The following OPRM1 variants were observed in gnomAD, a reference collection of about 807,000 sequenced individuals.
The protein encoded by OPRM1 is opioid receptor mu 1.
In OPRM1, 27 loss-of-function variants were observed where a neutral mutation model predicts 31.8. That is an observed-to-expected ratio of 0.85 (90% CI 0.63 to 1.17). The LOEUF (loss-of-function observed/expected upper bound fraction) is 1.17, where lower values mean the gene tolerates loss of function less well. Ranked by LOEUF, OPRM1 falls within the 50% of genes most tolerant of loss-of-function variation. OPRM1 has a pLI of 0.00. For synonymous variants in OPRM1, 196 were observed against 189.9 expected (o/e 1.03, Z -0.26); for missense variants, 536 against 511.1 (o/e 1.05, Z -0.47).
intron 3 of OPRM1, among the ~76,000 whole-genome samples, chr6:154,189,867 C>T (rs1801709443): frequency 6.6e-6 from 1 of 151,842 alleles, no homozygotes; most frequent in Non-Finnish European, 1.5e-5. Context: ...AGGAGAATCA[C>T]TGGAACCTGG....
At chr6:154,214,376 C>T in intron 3 of OPRM1, 1 of 833,996 alleles carries the variant, frequency 1.2e-6, no homozygotes, top group East Asian at 2.4e-5. Flanking sequence ...ATGATTCTAC[C>T]ATCAGTCTGC....
At chr6:154,087,214 C>G (rs1790803833) in intron 1 of OPRM1, 6 of 985,396 alleles carry the variant, frequency 6.1e-6, no homozygotes, top group Non-Finnish European at 7.2e-6. Context: ...GATCAGGTAT[C>G]AGAATTTTAA....
chr6:154,232,969 CTTT>C (rs780567029), intron 3 of OPRM1, among the ~76,000 whole-genome samples: 7 of 134,584 alleles, frequency 5.2e-5, no homozygotes, highest in Admixed American at 2.3e-4. Context: ...TTTTTCTTTT[CTTT>C]TTTTTTTTTT....
intron 3 of OPRM1, among the ~76,000 whole-genome samples, chr6:154,238,690 T>G (rs1367949627): frequency 6.6e-6 from 1 of 152,068 alleles, no homozygotes; most frequent in Non-Finnish European, 1.5e-5. Context: ...CTGTATAACC[T>G]TTTTTATAAT....
At chr6:154,109,792 CTG>C (rs377400514) in intron 3 of OPRM1, among the ~76,000 whole-genome samples, 3,747 of 100,882 alleles carry the variant, frequency 0.037, 45 homozygotes, top group African/African-American at 0.049. Flanking sequence ...CTCTCTCTCT[CTG>C]TGTGTGTGTG....
chr6:154,188,017 C>A (rs1347088644), intron 3 of OPRM1, among the ~76,000 whole-genome samples: 5 of 152,022 alleles, frequency 3.3e-5, no homozygotes, highest in Non-Finnish European at 7.4e-5. Flanking sequence ...TACTTTGGGT[C>A]TACCCAAAAC....
At chr6:154,074,605 C>G (rs1787457937) in intron 1 of OPRM1, 1 of 151,932 alleles carries the variant, frequency 6.6e-6, no homozygotes, top group Non-Finnish European at 1.5e-5. Context: ...ACTAAAAATA[C>G]AAAAATTAGC....
chr6:154,196,599 G>A (rs1776642072), intron 3 of OPRM1, among the ~76,000 whole-genome samples: 1 of 152,170 alleles, frequency 6.6e-6, no homozygotes, highest in South Asian at 2.1e-4. Context: ...CACATTGTCA[G>A]CAGGTAGTGT....
rs1329235760 is a variant in OPRM1, at chr6:154,128,296, A to C, written c.*9575A>C. On this transcript the variant is annotated 3_prime_UTR_variant, in exon 4 of 4. Transcript: ENST00000330432. ...AAAGAATAAAATGAAGGTGGAGTTA[A>C]TTCTGACTACGGGATTCCTTTTTCA... Among the ~76,000 whole-genome samples the C allele has an allele frequency of 6.6e-6, 1 of 152,252 alleles. No individual in the cohort carries two copies. Among genetic ancestry groups the C allele is most frequent in the Non-Finnish European group, 1.5e-5 (1 of 68,046 alleles).
chr6:154,091,407 C>T lies in OPRM1; in HGVS notation c.1099C>T (p.Arg367Ter), dbSNP rs867865977. 6 of 1,613,888 alleles carry T rather than the reference C, an allele frequency of 3.7e-6. No homozygotes were observed. The highest frequency in any genetic ancestry group is 2.2e-5 in the East Asian group (1 of 44,888). The change falls in exon 3 of 4, where the codon CGA (arginine) becomes TGA (stop). Residue 367 changes from arginine to a stop codon, truncating the protein, a stop_gained. Coordinates refer to ENST00000330432, the MANE Select transcript of OPRM1 (RefSeq NM_000914.5). LOFTEE classifies it high-confidence loss of function. ...SSNIEQQNST[R>*]IRQNTRDHPS... Reference sequence around the variant, plus strand: ...CAACATTGAGCAACAAAACTCCACTCGAATTCGTCAGAACACTAGAGACCA... The same window carrying T: ...CAACATTGAGCAACAAAACTCCACTTGAATTCGTCAGAACACTAGAGACCA...
chr6:154,126,774 G>A lies in OPRM1; in HGVS notation c.*8053G>A, dbSNP rs1261317857. On this transcript the variant is annotated 3_prime_UTR_variant, in exon 4 of 4. Coordinates refer to ENST00000330432, the MANE Select transcript of OPRM1 (RefSeq NM_000914.5). The stretch of plus-strand genomic sequence containing the variant: ...AGGTTCTCCAAGCAGAGGTAAACAT[G>A]TGGGTCCTGCTGGTGACATATTAGA... Among the ~76,000 whole-genome samples the A allele has an allele frequency of 1.3e-5, 2 of 152,136 alleles. No individual in the cohort carries two copies. Among genetic ancestry groups the A allele is most frequent in the Admixed American group, 6.5e-5 (1 of 15,270 alleles).
intron 3 of OPRM1, chr6:154,155,586 C>T (rs1583664291): frequency 6.6e-6 from 1 of 152,156 alleles, no homozygotes; most frequent in South Asian, 2.1e-4. Context: ...CACCTGAGGT[C>T]AGGAGTTTGA....
intron 3 of OPRM1, 139 bp from the exon 4 acceptor site, chr6:154,118,544 T>C: frequency 1.4e-6 from 1 of 728,082 alleles, no homozygotes. Context: ...GTCTTGACAT[T>C]TAAGAAAAAC....
At chr6:154,102,483 A>G (rs922155191) in intron 3 of OPRM1, among the ~76,000 whole-genome samples, 2 of 152,112 alleles carry the variant, frequency 1.3e-5, no homozygotes, top group African/African-American at 4.8e-5. Flanking sequence ...ACTGAATTTC[A>G]TCTCTTGTAA....
chr6:154,137,964 AC>A (rs2128536875), intron 3 of OPRM1, among the ~76,000 whole-genome samples: 1 of 152,360 alleles, frequency 6.6e-6, no homozygotes, highest in Non-Finnish European at 1.5e-5. Context: ...TTTGTTTCCA[AC>A]TAACATGGGG....
At chr6:154,108,124 C>T in intron 3 of OPRM1, 2 of 588,430 alleles carry the variant, frequency 3.4e-6, no homozygotes, top group Non-Finnish European at 6.1e-6. Context: ...CGGCTTGCGG[C>T]ACCATCGCCT....
intron 3 of OPRM1, among the ~76,000 whole-genome samples, chr6:154,233,402 T>C (rs1779873212): frequency 6.6e-6 from 1 of 152,230 alleles, no homozygotes; most frequent in Non-Finnish European, 1.5e-5. Flanking sequence ...CTTCATGTAT[T>C]ATTTGGGGTA....
At chr6:154,030,716 C>G (rs891444205) in intron 1 of OPRM1, among the ~76,000 whole-genome samples, 1 of 152,028 alleles carries the variant, frequency 6.6e-6, no homozygotes, top group African/African-American at 2.4e-5. Flanking sequence ...ATGGTGAAAC[C>G]CCATCTCTAC....
intron 3 of OPRM1, among the ~76,000 whole-genome samples, chr6:154,092,135 G>A (rs189779406): frequency 5.7e-4 from 87 of 152,210 alleles, no homozygotes; most frequent in African/African-American, 2.0e-3. Context: ...CCTCATGCTT[G>A]TTGGAGATAA....
Sources: gnomAD v4.1 joint callset for allele counts (sites outside exome capture counted in the v4.1 genomes callset) on GRCh38, gnomAD v4.1.1 for gene constraint, MANE v1.5 for transcripts, NCBI Gene and HGNC (gene_info 2026-07-23, HGNC 2026-07-21) for gene names.